CLUH: variants seen among roughly 807,000 people sequenced by gnomAD.
CLUH encodes clustered mitochondria protein homolog.
A neutral mutation model predicts 139.3 loss-of-function variants in CLUH; 77 were observed. The observed-to-expected ratio is 0.55, with a 90% CI of 0.46 to 0.67. The LOEUF (loss-of-function observed/expected upper bound fraction) is 0.67, where lower values mean the gene tolerates loss of function less well. CLUH is among the 30% of genes least tolerant of loss of function. The pLI, the probability that CLUH is intolerant of heterozygous loss-of-function variation, is 0.00. For synonymous variants in CLUH, 999 were observed against 801.6 expected, an observed-to-expected ratio of 1.25 and a Z score of -4.16; for missense variants, 1,876 against 1,875.8, an observed-to-expected ratio of 1.00 and a Z score of 0.00.
At chr17:2,691,939 GGCCC>G (rs2069666449) in intron 23 of CLUH, 44 bp from the exon 24 acceptor site, 35 of 1,061,544 alleles carry the variant, frequency 3.3e-5, no homozygotes, top group Middle Eastern at 3.4e-4. Context: ...GTGCCCCCGC[GGCCC>G]CGCCCCCGCC....
rs1028582774 is a variant in CLUH, at chr17:2,703,822, C to T, written c.304-333G>A. 1.3e-5 allele frequency among the ~76,000 whole-genome samples: 2 copies of T among 152,056 alleles called. No homozygotes were observed. The highest frequency in any genetic ancestry group is 4.8e-5 in the African/African-American group (2 of 41,390). Reference sequence around the variant, plus strand: ...AGCGGGACAGAAGACGGCAGGCTCGCCCCCGGCCTTGCCCAGTGCTAAGGT... The same window carrying T: ...AGCGGGACAGAAGACGGCAGGCTCGTCCCCGGCCTTGCCCAGTGCTAAGGT... On this transcript the variant is annotated intron_variant, in intron 2 of 25. Transcript: ENST00000651024. The surrounding 1 kb of genome is among the most constrained non-coding windows in gnomAD (Gnocchi z 4.2).
At position 2,697,703 on chromosome 17, in the gene CLUH, G is replaced by A. The variant is rs151052333; in HGVS notation, c.1961+193C>T. Among the ~76,000 whole-genome samples the A allele has an allele frequency of 2.8e-4, 42 of 152,332 alleles. No individual in the cohort carries two copies. The East Asian group carries it at 7.5e-3, about 27-fold the overall frequency. Reference sequence around the variant, plus strand: ...TACCCGCCTGGCTGCTCGCGAGTCTGCAGCCCGGGTTTCTGCGCTCGGGAG... The same window carrying A: ...TACCCGCCTGGCTGCTCGCGAGTCTACAGCCCGGGTTTCTGCGCTCGGGAG... On this transcript the variant is annotated intron_variant, in intron 10 of 25. Transcript: ENST00000651024.
intron 9 of CLUH, 83 bp from the exon 10 acceptor site, chr17:2,698,673 C>T: frequency 4.6e-6 from 6 of 1,297,556 alleles, no homozygotes; most frequent in Admixed American, 2.7e-5. Flanking sequence ...GCACCTAGAC[C>T]GCGGAGGCAA....
rs1378830222 is a variant in CLUH at position 2,707,743 on chromosome 17, G to C, written c.101-3179C>G. 1.0e-6 allele frequency: 1 copy of C among 985,432 alleles called. No homozygotes were observed. Among genetic ancestry groups the C allele is most frequent in the Non-Finnish European group, 1.2e-6 (1 of 829,908 alleles). The allele number at this position is 985,432 out of a possible 1,614,324, so 61.0% of individuals were successfully genotyped here. Reference sequence around the variant, plus strand: ...GCACAGACCCGGGTCCAGGCCATAAGGTGGCTGCCTCTGCCCACCAGTCCC... The same window carrying C: ...GCACAGACCCGGGTCCAGGCCATAACGTGGCTGCCTCTGCCCACCAGTCCC... On this transcript the variant is annotated intron_variant, in intron 1 of 25. Coordinates refer to ENST00000651024, the MANE Select transcript of CLUH (RefSeq NM_001366661.1). This position sits in a 1 kb window ranked among gnomAD's most constrained non-coding sequence, Gnocchi z 7.4.
rs1238074821 is a variant in CLUH, at chr17:2,689,790, C to G, written c.*804G>C. ...GATCCGTAATTGGGCCCCGCTTCCC[C>G]CAGCCTCGCCCCCGGCCCACTGTGC... On this transcript the variant is annotated 3_prime_UTR_variant, in exon 26 of 26. Coordinates refer to ENST00000651024, the MANE Select transcript of CLUH (RefSeq NM_001366661.1). 2 of 152,938 alleles carry G rather than the reference C, an allele frequency of 1.3e-5. No homozygotes were observed. Among genetic ancestry groups the G allele is most frequent in the Admixed American group, 1.3e-4 (2 of 15,290 alleles). The allele number at this position is 152,938 out of a possible 1,614,324, so 9.5% of individuals were successfully genotyped here.
At position 2,707,875 on chromosome 17, in the gene CLUH, T is replaced by C. The variant is rs2070393844; in HGVS notation, c.101-3311A>G. On this transcript the variant is annotated intron_variant, in intron 1 of 25. Transcript: ENST00000651024. This position sits in a 1 kb window ranked among gnomAD's most constrained non-coding sequence, Gnocchi z 7.4. ...CTGCCAGCCCCTTCCTGGGAGTCAC[T>C]GGTTCTGGTGGAAGGGAGGGGGATG... The C allele has an allele frequency of 1.0e-6, 1 of 985,424 alleles. No homozygotes were observed. Among genetic ancestry groups the C allele is most frequent in the Non-Finnish European group, 1.2e-6 (1 of 829,914 alleles). 61.0% of individuals were successfully genotyped at this position (985,424 alleles called of 1,614,324 possible).
chr17:2,691,956 G>A (rs1270939975), intron 23 of CLUH, 48 bp downstream of exon 23: 2 of 439,826 alleles, frequency 4.5e-6, no homozygotes, highest in Non-Finnish European at 6.2e-6. Context: ...CCCCCGCCCC[G>A]CCACGCCCCC....
intron 10 of CLUH, 96 bp downstream of exon 10, chr17:2,697,800 C>T (rs951091499): frequency 8.6e-7 from 1 of 1,157,104 alleles, no homozygotes; most frequent in Non-Finnish European, 1.2e-6. Context: ...CACTCTCCAG[C>T]GCTTCTCCCT....
In CLUH at chr17:2,694,561, C is replaced by G; in HGVS notation, c.2856G>C (p.Glu952Asp). 6.4e-7 allele frequency: 1 copy of G among 1,574,760 alleles called. No homozygotes were observed. Among genetic ancestry groups the G allele is most frequent in the Non-Finnish European group, 8.6e-7 (1 of 1,160,460 alleles). ...KNYFDFDLEC[E>D]TVDQAVETYG... is the part of the protein sequence containing the mutation. ...AGGTCTCCACAGCCTGGTCCACGGT[C>G]TCACTGAGGAGGGAGCAGGGGGCCT... The change falls in exon 17 of 26, where the codon GAG (glutamate) becomes GAC (aspartate). Residue 952 changes from glutamate (E) to aspartate (D), a missense_variant. By Grantham distance (45) the Glu-to-Asp change is conservative. This residue lies in a region of CLUH where 1,454 missense variants were observed against 1,384.4 expected (regional missense o/e 1.05). Transcript: ENST00000651024.
Position 2,690,605 on chromosome 17 carries a change from C to G in CLUH, c.4036G>C (p.Val1346Leu). Residue 1346 changes from valine to leucine, a missense_variant, in exon 26 of 26, where the codon GTG becomes CTG. Transcript: ENST00000651024. ...GTCTGGCTCCCTCTCTATCCCTGCACGCTCGGAGAAGGGTCCTTGGCAGCC... is the reference window on the plus strand; with the variant it reads ...GTCTGGCTCCCTCTCTATCCCTGCAGGCTCGGAGAAGGGTCCTTGGCAGCC... ...PPAAKDPSPS[V>L]QG 6.7e-7 allele frequency: 1 copy of G among 1,487,240 alleles called. No homozygotes were observed. The highest frequency in any genetic ancestry group is 1.4e-5 in the South Asian group (1 of 73,294). 92.1% of individuals were successfully genotyped at this position (1,487,240 alleles called of 1,614,324 possible).
Position 2,706,343 on chromosome 17 carries a change from A to G in CLUH, c.101-1779T>C, listed in dbSNP as rs2070349554. Among the ~76,000 whole-genome samples, 1 of 151,998 alleles carries G rather than the reference A, an allele frequency of 6.6e-6. No homozygotes were observed. Among genetic ancestry groups the G allele is most frequent in the Non-Finnish European group, 1.5e-5 (1 of 67,988 alleles). ...TCAGAGTCTCTTCCCCCTTACCCCA[A>G]AGAGGGGTATTTGAAGCCCAGAAAG... On this transcript the variant is annotated intron_variant, in intron 1 of 25. Transcript: ENST00000651024. The surrounding 1 kb of genome is among the most constrained non-coding windows in gnomAD (Gnocchi z 4.6).
intron 1 of CLUH, among the ~76,000 whole-genome samples, chr17:2,708,598 C>T (rs928568931): frequency 2.0e-5 from 3 of 152,032 alleles, no homozygotes; most frequent in Non-Finnish European, 4.4e-5. Flanking sequence ...GTGTTACTAT[C>T]ACATTTGGGA....
intron 1 of CLUH, among the ~76,000 whole-genome samples, chr17:2,705,384 C>T (rs2070322239): frequency 6.6e-6 from 1 of 152,136 alleles, no homozygotes; most frequent in African/African-American, 2.4e-5. Context: ...CAGGCCAGCG[C>T]TCTCAGGCAC....
intron 18 of CLUH, 24 bp downstream of exon 18, chr17:2,694,099 A>G (rs1251710887): frequency 6.2e-7 from 1 of 1,613,448 alleles, no homozygotes; most frequent in Admixed American, 1.7e-5. Flanking sequence ...CCCCACCTCC[A>G]CCCAGCCCCA....
At chr17:2,710,497 A>G (rs954171233) in intron 1 of CLUH, among the ~76,000 whole-genome samples, 5 of 152,222 alleles carry the variant, frequency 3.3e-5, no homozygotes, top group African/African-American at 1.2e-4. Flanking sequence ...CGTTAAGACC[A>G]CAAGTCCCAA....
In CLUH at chr17:2,698,056, T is replaced by G. The variant is rs773422187; in HGVS notation, c.1801A>C (p.Ile601Leu). The G allele has an allele frequency of 6.2e-7, 1 of 1,606,792 alleles. No homozygotes were observed. The highest frequency in any genetic ancestry group is 1.1e-5 in the South Asian group (1 of 90,498). The change falls in exon 10 of 26, where the codon ATC becomes CTC. Residue 601 changes from isoleucine to leucine, a missense_variant. Physicochemically the swap from Ile to Leu is conservative, Grantham distance 5. Coordinates refer to ENST00000651024, the MANE Select transcript of CLUH (RefSeq NM_001366661.1). Reference sequence around the variant, plus strand: ...GGGAAGGTGCGCAGCAGGTCGAGGATGTAGTGGCGCCCGTCGTTGCCAATG... The same window carrying G: ...GGGAAGGTGCGCAGCAGGTCGAGGAGGTAGTGGCGCCCGTCGTTGCCAATG... ...GIIGNDGRHY[I>L]LDLLRTFPPD... is the part of the protein sequence containing the mutation.
chr17:2,690,834 C>T (rs1173666421), intron 25 of CLUH, 57 bp from the exon 26 acceptor site: 4 of 1,325,446 alleles, frequency 3.0e-6, no homozygotes, highest in African/African-American at 3.0e-5. Flanking sequence ...GGGCTCCACC[C>T]GCCTCCCGGC....
chr17:2,704,220 G>A lies in CLUH; in HGVS notation c.303+142C>T. On this transcript the variant is annotated intron_variant, in intron 2 of 25. Transcript: ENST00000651024. This position sits in a 1 kb window ranked among gnomAD's most constrained non-coding sequence, Gnocchi z 5.7. ...GATTCCCACGTCCACCACGCTAGCT[G>A]AGTGACTCTAGGGAGGGCACGGGAT... 1.2e-6 allele frequency: 1 copy of A among 862,902 alleles called. No individual in the cohort carries two copies. The highest frequency in any genetic ancestry group is 1.7e-5 in the South Asian group (1 of 57,286). The allele number at this position is 862,902 out of a possible 1,614,324, so 53.5% of individuals were successfully genotyped here.
Position 2,696,932 on chromosome 17 carries a change from AGAG to A in CLUH, c.1969_1971del (p.Leu657del), listed in dbSNP as rs1189489450. On this transcript the variant is annotated inframe_deletion, in exon 11 of 26. Transcript: ENST00000651024. ...AGCTGCAAGGCGGCCAGCTTCATAAAGAGGAGGTACCTGGAGCAGAGGAAACAG... is the reference window on the plus strand; with the variant it reads ...AGCTGCAAGGCGGCCAGCTTCATAAAGAGGTACCTGGAGCAGAGGAAACAG... The A allele has an allele frequency of 6.3e-7, 1 of 1,588,352 alleles. No individual in the cohort carries two copies. The highest frequency in any genetic ancestry group is 1.3e-5 in the African/African-American group (1 of 74,402).
Sources: allele counts gnomAD v4.1 joint callset (sites outside exome capture counted in the v4.1 genomes callset), GRCh38; gene constraint gnomAD v4.1.1; regional missense constraint gnomAD v4.1.1; non-coding constraint Gnocchi (gnomAD v3.1); transcripts MANE v1.5; gene names NCBI Gene and HGNC (gene_info 2026-07-23, HGNC 2026-07-21).